The following TULP4 variants were observed in gnomAD, a reference collection of about 807,000 sequenced individuals.
TULP4 encodes the protein tubby-related protein 4.
In TULP4, 16 loss-of-function variants were observed where a neutral mutation model predicts 129.0. The observed-to-expected ratio is 0.12, with a 90% confidence interval of 0.08 to 0.19. TULP4 has a LOEUF of 0.19. Ranked by LOEUF, TULP4 falls within the 10% of genes least tolerant of loss-of-function variation. The pLI is 1.00. For synonymous variants in TULP4, 998 were observed against 854.0 expected, an observed-to-expected ratio of 1.17 and a Z score of -2.94; for missense variants, 1,842 against 2,059.1, an observed-to-expected ratio of 0.89 and a Z score of 2.04.
At chr6:158,372,958 G>A (rs1359717393) in intron 1 of TULP4, among the ~76,000 whole-genome samples, 1 of 152,204 alleles carries the variant, frequency 6.6e-6, no homozygotes, top group Admixed American at 6.5e-5. Flanking sequence ...TTATGCAACA[G>A]TAATGGAAAC....
intron 1 of TULP4, among the ~76,000 whole-genome samples, chr6:158,319,693 G>T (rs779979029): frequency 6.6e-6 from 1 of 152,068 alleles, no homozygotes; most frequent in Non-Finnish European, 1.5e-5. Context: ...TAACAGTTTT[G>T]GAATTATAAA....
At chr6:158,478,308 TA>T (rs1250123084) in intron 6 of TULP4, among the ~76,000 whole-genome samples, 1 of 152,210 alleles carries the variant, frequency 6.6e-6, no homozygotes, top group Non-Finnish European at 1.5e-5. Context: ...AATATTGTCT[TA>T]GGGGGCTCAG....
chr6:158,436,947 C>A (rs895459172), intron 3 of TULP4, among the ~76,000 whole-genome samples: 1 of 152,202 alleles, frequency 6.6e-6, no homozygotes, highest in Non-Finnish European at 1.5e-5. Flanking sequence ...CAAGTCCCTT[C>A]TCATCTGCTA....
In TULP4 at chr6:158,334,455, AATAC is replaced by A. The variant is rs1193240976; in HGVS notation, c.252+20191_252+20194del. Among the ~76,000 whole-genome samples the A allele has an allele frequency of 7.9e-5, 12 of 152,232 alleles. No individual in the cohort carries two copies. In the South Asian group the frequency reaches 1.2e-3, roughly 16 times the overall value. ...GCTTTATTGTAAGAATATGGTATAT[AATAC>A]ATAAAACAAAATACATGTTAATTTA... On this transcript the variant is annotated intron_variant, in intron 1 of 13. Transcript: ENST00000367097.
chr6:158,367,834 G>C (rs1052693329), intron 1 of TULP4, among the ~76,000 whole-genome samples: 2 of 150,924 alleles, frequency 1.3e-5, no homozygotes, highest in Non-Finnish European at 3.0e-5. Flanking sequence ...GAAGTTCTGG[G>C]TTTTCCATCC....
At chr6:158,364,378 T>C (rs1400488847) in intron 1 of TULP4, among the ~76,000 whole-genome samples, 1 of 152,212 alleles carries the variant, frequency 6.6e-6, no homozygotes, top group Non-Finnish European at 1.5e-5. Flanking sequence ...CTGTCTTAGC[T>C]TACTGTATCA....
intron 1 of TULP4, among the ~76,000 whole-genome samples, chr6:158,246,669 A>T (rs1778037567): frequency 6.6e-6 from 1 of 152,196 alleles, no homozygotes; most frequent in Non-Finnish European, 1.5e-5. Flanking sequence ...ATAGAATATA[A>T]TTGGTGAAAA....
chr6:158,501,802 A>G lies in TULP4; in HGVS notation c.2139A>G (p.Leu713=), dbSNP rs1582883759. 1 of 1,614,024 alleles carries G rather than the reference A, an allele frequency of 6.2e-7. No homozygotes were observed. The highest frequency in any genetic ancestry group is 8.5e-7 in the Non-Finnish European group (1 of 1,180,000). Residue 713 remains leucine (L), a synonymous_variant, in exon 13 of 14, where the codon CTA becomes CTG. Coordinates refer to ENST00000367097, the MANE Select transcript of TULP4 (RefSeq NM_020245.5). ...AGAGCATAGGGCTGGTGCAGTCCCT[A>G]CTGGCCAATCAGAATGTGCAGCTAG... ...PTQSIGLVQS[L]LANQNVQLDV...
rs770712594 is a variant in TULP4, at chr6:158,502,497, G to A, written c.2834G>A (p.Arg945His). Reference sequence around the variant, plus strand: ...CCCTGCAGCAGTGCCACCCTGAACCGCCTGACCGTCCCTCGCTACTCCATC... The same window carrying A: ...CCCTGCAGCAGTGCCACCCTGAACCACCTGACCGTCCCTCGCTACTCCATC... Reference protein sequence around the residue: ...PQPCSSATLNRLTVPRYSIPT... With the variant: ...PQPCSSATLNHLTVPRYSIPT... Residue 945 changes from arginine (R) to histidine (H), a missense_variant, in exon 13 of 14, where the codon CGC (arginine) becomes CAC (histidine). Transcript: ENST00000367097. 1.4e-5 allele frequency: 22 copies of A among 1,612,790 alleles called. No homozygotes were observed. The highest frequency in any genetic ancestry group is 8.8e-5 in the South Asian group (8 of 91,066).
At position 158,502,098 on chromosome 6, in the gene TULP4, C is replaced by A; in HGVS notation, c.2435C>A (p.Ala812Glu). ...GCCCTGCGGCCAACACCGCAGCTGG[C>A]AGCTGAGGGGGACGCAGTGGTCTTT... The part of the protein sequence containing the change: ...AKALRPTPQL[A>E]AEGDAVVFSA... The change falls in exon 13 of 14, where the codon GCA becomes GAA. Residue 812 changes from alanine to glutamate, a missense_variant. Physicochemically the swap from Ala to Glu is moderately radical, Grantham distance 107 (BLOSUM62 -1). Coordinates refer to ENST00000367097, the MANE Select transcript of TULP4 (RefSeq NM_020245.5). The A allele has an allele frequency of 6.2e-7, 1 of 1,611,360 alleles. No individual in the cohort carries two copies.
intron 1 of TULP4, among the ~76,000 whole-genome samples, chr6:158,298,196 T>C (rs1415821508): frequency 6.6e-6 from 1 of 152,204 alleles, no homozygotes; most frequent in African/African-American, 2.4e-5. Context: ...TCTGTTCTTT[T>C]TCAAGGTGCA....
At position 158,504,029 on chromosome 6, in the gene TULP4, G is replaced by T; in HGVS notation, c.4366G>T (p.Gly1456Trp). ...KCRRASEKED[G>W]RLGSQGFVYV... ...CCGGCGGGCCAGTGAGAAGGAGGAC[G>T]GGCGGCTGGGCAGCCAAGGCTTCGT... The change falls in exon 13 of 14, where the codon GGG becomes TGG. Residue 1456 changes from glycine to tryptophan, a missense_variant. Physicochemically the swap from Gly to Trp is radical, Grantham distance 184. Transcript: ENST00000367097. 1 of 1,610,868 alleles carries T rather than the reference G, an allele frequency of 6.2e-7. No individual in the cohort carries two copies. Among genetic ancestry groups the T allele is most frequent in the Non-Finnish European group, 8.5e-7 (1 of 1,178,654 alleles).
intron 1 of TULP4, among the ~76,000 whole-genome samples, chr6:158,377,718 G>A (rs948715041): frequency 5.9e-4 from 90 of 152,254 alleles, no homozygotes; most frequent in African/African-American, 2.1e-3. Context: ...CATTTATTGA[G>A]GGTCTACCAC....
rs535367575 is a variant in TULP4, at chr6:158,438,306, C to T, written c.543+8409C>T. Among the ~76,000 whole-genome samples, 15 of 152,182 alleles carry T rather than the reference C, an allele frequency of 9.9e-5. No homozygotes were observed. In the South Asian group the frequency reaches 1.2e-3, roughly 13 times the overall value. On this transcript the variant is annotated intron_variant, in intron 3 of 13. Transcript: ENST00000367097. ...TACTTTAGTGTAAATCTCCTCAAAA[C>T]GTGGCATTTCCTTCCATAACCACAG...
chr6:158,262,751 A>G (rs779529338), intron 1 of TULP4, among the ~76,000 whole-genome samples: 14 of 152,216 alleles, frequency 9.2e-5, no homozygotes, highest in Admixed American at 4.6e-4. Flanking sequence ...AAGAGCATCC[A>G]GGACAAGCAG....
chr6:158,326,456 G>T (rs911758655), intron 1 of TULP4, among the ~76,000 whole-genome samples: 1 of 152,078 alleles, frequency 6.6e-6, no homozygotes, highest in African/African-American at 2.4e-5. Context: ...TCATCATCTT[G>T]GGAATTCTCT....
At chr6:158,382,783 G>C (rs1029257804) in intron 1 of TULP4, among the ~76,000 whole-genome samples, 2 of 152,134 alleles carry the variant, frequency 1.3e-5, no homozygotes, top group Admixed American at 6.5e-5. Context: ...TCTCAGCTTT[G>C]GTAATCTCTT....
At chr6:158,294,889 G>T (rs2128472274) in intron 1 of TULP4, among the ~76,000 whole-genome samples, 1 of 152,232 alleles carries the variant, frequency 6.6e-6, no homozygotes, top group East Asian at 1.9e-4. Flanking sequence ...ATGCCAGCAT[G>T]CCTGGCTAAT....
chr6:158,234,669 G>A (rs904592937), intron 1 of TULP4, among the ~76,000 whole-genome samples: 1 of 152,138 alleles, frequency 6.6e-6, no homozygotes, highest in African/African-American at 2.4e-5. Flanking sequence ...TACTGCATGG[G>A]TTTCTGTTTA....
Sources: allele counts gnomAD v4.1 joint callset (sites outside exome capture counted in the v4.1 genomes callset), GRCh38; gene constraint gnomAD v4.1.1; transcripts MANE v1.5; gene names NCBI Gene and HGNC (gene_info 2026-07-23, HGNC 2026-07-21).